The following SNTG1 variants were observed in gnomAD, a reference collection of about 807,000 sequenced individuals.
SNTG1 encodes the protein gamma-1-syntrophin.
Under a neutral mutation model 74.7 loss-of-function variants are expected in SNTG1, and 39 were observed. The observed-to-expected ratio is 0.52, with a 90% CI of 0.40 to 0.68. SNTG1 has a LOEUF of 0.68. Among genes scored for constraint, SNTG1 ranks in the 30% least tolerant of loss-of-function variants. SNTG1 has a pLI of 0.00. For synonymous variants in SNTG1, 254 were observed against 217.1 expected (o/e 1.17, Z -1.49); for missense variants, 685 against 609.5 (o/e 1.12, Z -1.30).
intron 1 of SNTG1, among the ~76,000 whole-genome samples, chr8:49,940,711 C>T (rs1808609372): frequency 6.6e-6 from 1 of 152,126 alleles, no homozygotes; most frequent in Admixed American, 6.6e-5. Context: ...CAGTTATGAC[C>T]CTGTCCTCAC....
intron 1 of SNTG1, among the ~76,000 whole-genome samples, chr8:50,167,903 T>C (rs2082682794): frequency 6.6e-6 from 1 of 151,912 alleles, no homozygotes; most frequent in Non-Finnish European, 1.5e-5. Context: ...TAGAAAGCCA[T>C]TAATTAGTTT....
At chr8:50,294,065 A>C (rs2089251352) in intron 2 of SNTG1, among the ~76,000 whole-genome samples, 1 of 152,226 alleles carries the variant, frequency 6.6e-6, no homozygotes, top group African/African-American at 2.4e-5. Context: ...GATTGAATCA[A>C]GTTGTGCAAA....
intron 1 of SNTG1, among the ~76,000 whole-genome samples, chr8:50,136,263 A>G (rs1164303333): frequency 6.6e-6 from 1 of 151,772 alleles, no homozygotes; most frequent in Non-Finnish European, 1.5e-5. Flanking sequence ...TTTGGGGGGG[A>G]ATATGCCCAG....
intron 4 of SNTG1, among the ~76,000 whole-genome samples, chr8:50,411,168 G>T (rs983591276): frequency 6.6e-6 from 1 of 152,210 alleles, no homozygotes; most frequent in East Asian, 1.9e-4. Context: ...GAAAAGGAAG[G>T]CCGGGTGCGG....
At chr8:50,618,925 CTA>C (rs1460977650) in intron 13 of SNTG1, among the ~76,000 whole-genome samples, 10 of 149,796 alleles carry the variant, frequency 6.7e-5, no homozygotes, top group African/African-American at 2.5e-4. Flanking sequence ...ATATATATGT[CTA>C]TGTGTGTGTG....
At chr8:50,020,079 C>T (rs1007168250) in intron 1 of SNTG1, among the ~76,000 whole-genome samples, 1 of 152,140 alleles carries the variant, frequency 6.6e-6, no homozygotes, top group African/African-American at 2.4e-5. Context: ...TATACTCTAT[C>T]TTCAGCATGG....
chr8:50,453,055 A>T (rs573979501), intron 8 of SNTG1, among the ~76,000 whole-genome samples: 2 of 152,268 alleles, frequency 1.3e-5, no homozygotes, highest in East Asian at 3.9e-4. Context: ...TTGTTTGTGC[A>T]TGTAACTTTT....
chr8:50,779,455 C>T (rs918681252), intron 18 of SNTG1, among the ~76,000 whole-genome samples: 5 of 152,078 alleles, frequency 3.3e-5, no homozygotes, highest in Admixed American at 6.6e-5. Flanking sequence ...ATTTTATTCT[C>T]TTTGAAGCAA....
At chr8:50,408,028 G>A (rs1321546764) in intron 4 of SNTG1, among the ~76,000 whole-genome samples, 1 of 152,134 alleles carries the variant, frequency 6.6e-6, no homozygotes, top group Non-Finnish European at 1.5e-5. Context: ...GGGCAACTGG[G>A]GAAGTTACAA....
rs557191183 is a variant in SNTG1 at position 50,522,131 on chromosome 8, A to T, written c.467-8046A>T. Among the ~76,000 whole-genome samples, 7 of 152,310 alleles carry T rather than the reference A, an allele frequency of 4.6e-5. No homozygotes were observed. The East Asian group carries it at 1.3e-3, about 29-fold the overall frequency. On this transcript the variant is annotated intron_variant, in intron 9 of 18. Coordinates refer to ENST00000642720, the MANE Select transcript of SNTG1 (RefSeq NM_018967.5). ...CCTGTATTAAATATATTTCTTAAAT[A>T]ATATGACATGAAACTTTGAAATTCC...
chr8:50,617,466 T>C (rs2094892595), intron 13 of SNTG1, among the ~76,000 whole-genome samples: 1 of 151,864 alleles, frequency 6.6e-6, no homozygotes, highest in African/African-American at 2.4e-5. Context: ...CTGGGAAAGC[T>C]AAGCTGAGCT....
intron 2 of SNTG1, among the ~76,000 whole-genome samples, chr8:50,233,217 A>G (rs1021056651): frequency 6.6e-6 from 1 of 151,644 alleles, no homozygotes; most frequent in South Asian, 2.1e-4. Flanking sequence ...AGATACATAG[A>G]TCAATGGACC....
At chr8:50,197,642 C>T (rs920858246) in intron 2 of SNTG1, among the ~76,000 whole-genome samples, 67 of 152,178 alleles carry the variant, frequency 4.4e-4, no homozygotes, top group African/African-American at 1.5e-3. Flanking sequence ...TTTTGTATTG[C>T]CAGATTACTG....
At chr8:50,723,154 C>T (rs565107239) in intron 17 of SNTG1, among the ~76,000 whole-genome samples, 8 of 152,242 alleles carry the variant, frequency 5.3e-5, no homozygotes, top group Admixed American at 2.6e-4. Context: ...CAAGCAGGAG[C>T]TTCACAGGTC....
chr8:50,702,202 C>A (rs889561279), intron 15 of SNTG1, among the ~76,000 whole-genome samples: 1 of 152,040 alleles, frequency 6.6e-6, no homozygotes, highest in Non-Finnish European at 1.5e-5. Flanking sequence ...AATATATTTA[C>A]TTGTGTAGTT....
chr8:50,669,906 T>C (rs1387203800), intron 15 of SNTG1, among the ~76,000 whole-genome samples: 4 of 152,172 alleles, frequency 2.6e-5, no homozygotes, highest in African/African-American at 9.6e-5. Flanking sequence ...TCAATAAATG[T>C]AATCCAGCAT....
intron 2 of SNTG1, among the ~76,000 whole-genome samples, chr8:50,344,551 T>C (rs1288469650): frequency 2.0e-5 from 3 of 152,208 alleles, no homozygotes; most frequent in Non-Finnish European, 4.4e-5. Flanking sequence ...GAAATATTAC[T>C]GTGGTCATTT....
At chr8:50,100,818 C>A (rs1586269087) in intron 1 of SNTG1, among the ~76,000 whole-genome samples, 1 of 151,910 alleles carries the variant, frequency 6.6e-6, no homozygotes, top group African/African-American at 2.4e-5. Context: ...GATCCATGTG[C>A]AGGTTTGTTT....
chr8:50,233,246 A>G (rs1308954411), intron 2 of SNTG1, among the ~76,000 whole-genome samples: 1 of 151,618 alleles, frequency 6.6e-6, no homozygotes, highest in African/African-American at 2.4e-5. Flanking sequence ...TGGCCCTAAA[A>G]TAGTCACATA....
Sources: allele counts gnomAD v4.1 joint callset (sites outside exome capture counted in the v4.1 genomes callset), GRCh38; gene constraint gnomAD v4.1.1; transcripts MANE v1.5; gene names NCBI Gene and HGNC (gene_info 2026-07-23, HGNC 2026-07-21).